KHDRBS3: variants seen among roughly 807,000 people sequenced by gnomAD.
The protein encoded by KHDRBS3 is KH RNA binding domain containing, signal transduction associated 3, also known as KH domain-containing, RNA-binding, signal transduction-associated protein 3.
In KHDRBS3, 23 loss-of-function variants were observed where a neutral mutation model predicts 45.6. That is an observed-to-expected ratio of 0.50 (90% CI 0.36 to 0.72). KHDRBS3 has a LOEUF of 0.72. Among genes scored for constraint, KHDRBS3 ranks in the 30% least tolerant of loss-of-function variants. The probability of loss-of-function intolerance (pLI) is 0.00; values close to 1 mark genes in which losing one functional copy is unlikely to be tolerated. For missense variants in KHDRBS3, 352 were observed against 424.8 expected (o/e 0.83, Z 1.51); for synonymous variants, 162 against 156.5 (o/e 1.04, Z -0.26).
At chr8:135,625,930 G>C (rs1830338230) in intron 7 of KHDRBS3, 1 of 798,720 alleles carries the variant, frequency 1.3e-6, no homozygotes, top group Admixed American at 1.7e-5. Context: ...AGCATGTCAT[G>C]TCGACTTAGA....
chr8:135,482,264 T>G (rs1167178738), intron 1 of KHDRBS3, among the ~76,000 whole-genome samples: 1 of 152,200 alleles, frequency 6.6e-6, no homozygotes, highest in Non-Finnish European at 1.5e-5. Context: ...GCTAAAGTTG[T>G]CCATAGGCAG....
intron 7 of KHDRBS3, among the ~76,000 whole-genome samples, chr8:135,607,497 A>G (rs1829518151): frequency 6.6e-6 from 1 of 152,238 alleles, no homozygotes; most frequent in East Asian, 1.9e-4. Context: ...CTACCTGTGA[A>G]TAATGACTTA....
chr8:135,535,716 G>A (rs948446159), intron 2 of KHDRBS3, among the ~76,000 whole-genome samples: 1 of 152,068 alleles, frequency 6.6e-6, no homozygotes, highest in Non-Finnish European at 1.5e-5. Flanking sequence ...CAGTCCATTT[G>A]TGCTGCCGCC....
downstream of KHDRBS3, chr8:135,648,690 T>G (rs532103447): frequency 1.1e-4 from 17 of 152,310 alleles, no homozygotes; most frequent in Middle Eastern, 0.014. Flanking sequence ...AAATTTCCCC[T>G]GCTGGTTTCC....
At chr8:135,561,737 A>G (rs1295514660) in intron 5 of KHDRBS3, among the ~76,000 whole-genome samples, 1 of 152,152 alleles carries the variant, frequency 6.6e-6, no homozygotes, top group Non-Finnish European at 1.5e-5. Flanking sequence ...AGATTATGAA[A>G]GAACTGAAAA....
In KHDRBS3 at chr8:135,646,997, A is replaced by G. The variant is rs763596837; in HGVS notation, c.954A>G (p.Gln318=). The part of the protein sequence containing the change: ...LSEETYDSYG[Q]EEWTNSRHKA... Reference sequence around the variant, plus strand: ...GATTCATCTTACTGATTGTAGGGCAAGAAGAGTGGACTAACTCAAGACACA... The same window carrying G: ...GATTCATCTTACTGATTGTAGGGCAGGAAGAGTGGACTAACTCAAGACACA... Residue 318 remains glutamine (Q), a synonymous_variant, in exon 9 of 9, where the codon CAA becomes CAG. Coordinates refer to ENST00000355849, the MANE Select transcript of KHDRBS3 (RefSeq NM_006558.3). The G allele has an allele frequency of 6.3e-7, 1 of 1,575,390 alleles. No individual in the cohort carries two copies. Among genetic ancestry groups the G allele is most frequent in the Non-Finnish European group, 8.7e-7 (1 of 1,144,632 alleles).
chr8:135,530,176 G>A (rs1460864551), intron 2 of KHDRBS3, among the ~76,000 whole-genome samples: 2 of 152,006 alleles, frequency 1.3e-5, no homozygotes, highest in Admixed American at 6.5e-5. Context: ...GTCTATTGCT[G>A]AACCAAAAAG....
chr8:135,598,152 A>G (rs903887720), intron 6 of KHDRBS3, among the ~76,000 whole-genome samples: 4 of 152,214 alleles, frequency 2.6e-5, no homozygotes, highest in African/African-American at 9.7e-5. Flanking sequence ...TAGACATCAC[A>G]TTTTAGAGAA....
chr8:135,551,184 T>C (rs1826578968), intron 4 of KHDRBS3, among the ~76,000 whole-genome samples: 1 of 152,264 alleles, frequency 6.6e-6, no homozygotes, highest in East Asian at 1.9e-4. Flanking sequence ...GAGCATGTCA[T>C]CTGTGAATAA....
rs144816427 is a variant in KHDRBS3, at chr8:135,582,020, A to C, written c.754A>C (p.Thr252Pro). The C allele has an allele frequency of 1.9e-6, 3 of 1,611,640 alleles. No homozygotes were observed. In the Admixed American group the frequency reaches 5.0e-5, roughly 27 times the overall value. The change falls in exon 6 of 9, where the codon ACT becomes CCT. Residue 252 changes from threonine to proline, a missense_variant. Around this residue, in one of 6 missense-constraint regions of KHDRBS3, gnomAD observed 212 missense variants for 209.6 expected, o/e 1.01. Transcript: ENST00000355849. ...TCCCAGAGCAAGAGGAGTCCCCCCA[A>C]CTGGGTACAGACCTCCACCGCCACC... is the stretch of plus-strand genomic sequence containing the variant. Reference protein sequence around the residue: ...LTPRARGVPPTGYRPPPPPPT... With the variant: ...LTPRARGVPPPGYRPPPPPPT...
intron 7 of KHDRBS3, among the ~76,000 whole-genome samples, chr8:135,610,950 G>A (rs546881395): frequency 5.9e-5 from 9 of 152,048 alleles, no homozygotes; most frequent in Non-Finnish European, 8.8e-5. Flanking sequence ...GTTTATACTT[G>A]AATTTAGAGA....
intron 5 of KHDRBS3, among the ~76,000 whole-genome samples, chr8:135,566,088 C>T (rs1827399051): frequency 6.6e-6 from 1 of 151,996 alleles, no homozygotes; most frequent in South Asian, 2.1e-4. Flanking sequence ...CATGTATAAG[C>T]GAAATATTGT....
intron 1 of KHDRBS3, among the ~76,000 whole-genome samples, chr8:135,510,957 G>A (rs547028140): frequency 6.6e-6 from 1 of 152,318 alleles, no homozygotes; most frequent in African/African-American, 2.4e-5. Flanking sequence ...ATTAGGAATT[G>A]TATTTTAAAT....
intron 1 of KHDRBS3, among the ~76,000 whole-genome samples, chr8:135,478,426 T>C (rs556354878): frequency 5.3e-5 from 8 of 152,276 alleles, no homozygotes; most frequent in African/African-American, 1.9e-4. Flanking sequence ...AACAACTAGG[T>C]AGAAAATTAG....
In KHDRBS3 at chr8:135,485,190, A is replaced by G. The variant is rs573698577; in HGVS notation, c.88+27236A>G. 7.4e-3 allele frequency among the ~76,000 whole-genome samples: 415 copies of G among 56,188 alleles called. 3 individuals are homozygous for G. The highest frequency in any genetic ancestry group is 0.044 in the South Asian group (77 of 1,752). The allele number at this position is 56,188 out of a possible 152,430, so 36.9% of individuals were successfully genotyped here. ...ACTACAATATCAACTCTGTGTAAACAGCACTTTGTTTATTGCTATATCCCA... is the reference window on the plus strand; with the variant it reads ...ACTACAATATCAACTCTGTGTAAACGGCACTTTGTTTATTGCTATATCCCA... On this transcript the variant is annotated intron_variant, in intron 1 of 8. Transcript: ENST00000355849.
intron 7 of KHDRBS3, chr8:135,625,612 A>G: frequency 2.2e-6 from 2 of 920,586 alleles, no homozygotes; most frequent in Non-Finnish European, 3.6e-6. Flanking sequence ...CCACAGGGTC[A>G]GTCTTTTCCA....
chr8:135,621,161 G>GA (rs1403170676), intron 7 of KHDRBS3, among the ~76,000 whole-genome samples: 2 of 151,834 alleles, frequency 1.3e-5, no homozygotes, highest in Non-Finnish European at 2.9e-5. Flanking sequence ...AGGGTGCCAA[G>GA]AAAATCACCT....
At chr8:135,574,668 CTAAT>C (rs1827870772) in intron 5 of KHDRBS3, among the ~76,000 whole-genome samples, 1 of 152,122 alleles carries the variant, frequency 6.6e-6, no homozygotes, top group Non-Finnish European at 1.5e-5. Context: ...TATACACTAA[CTAAT>C]GAAAATGTCA....
chr8:135,649,806 A>G (rs1831392291), downstream of KHDRBS3, among the ~76,000 whole-genome samples: 1 of 152,206 alleles, frequency 6.6e-6, no homozygotes, highest in African/African-American at 2.4e-5. Flanking sequence ...TTAACAGGAA[A>G]TACTGTACAA....
Sources: gnomAD v4.1 joint callset for allele counts (sites outside exome capture counted in the v4.1 genomes callset) on GRCh38, gnomAD v4.1.1 for gene constraint, gnomAD v4.1.1 regional missense constraint, MANE v1.5 for transcripts, NCBI Gene and HGNC (gene_info 2026-07-23, HGNC 2026-07-21) for gene names.